Variants in PDE3A observed in about 807,000 individuals in gnomAD.
The protein encoded by PDE3A is cGMP-inhibited 3',5'-cyclic phosphodiesterase 3A.
Under a neutral mutation model 98.3 loss-of-function variants are expected in PDE3A, and 43 were observed. The ratio of observed to expected loss-of-function variants is 0.44; its 90% CI spans 0.34 to 0.56. The LOEUF (loss-of-function observed/expected upper bound fraction) is 0.56, where lower values mean the gene tolerates loss of function less well. Among genes scored for constraint, PDE3A ranks in the 20% least tolerant of loss-of-function variants. The pLI, the probability that PDE3A is intolerant of heterozygous loss-of-function variation, is 0.01. For synonymous variants in PDE3A, 663 were observed against 567.9 expected, an observed-to-expected ratio of 1.17 and a Z score of -2.38; for missense variants, 1,427 against 1,440.7, an observed-to-expected ratio of 0.99 and a Z score of 0.15.
At chr12:20,404,411 A>G (rs773031853) in intron 1 of PDE3A, among the ~76,000 whole-genome samples, 2 of 152,032 alleles carry the variant, frequency 1.3e-5, no homozygotes, top group Non-Finnish European at 2.9e-5. Flanking sequence ...AAAGCCATAT[A>G]CTGTAGGTTA....
intron 1 of PDE3A, among the ~76,000 whole-genome samples, chr12:20,440,582 C>T (rs1251704406): frequency 5.9e-5 from 9 of 152,176 alleles, no homozygotes; most frequent in Admixed American, 5.9e-4. Context: ...TAAGTCACAT[C>T]ACTTACATAA....
chr12:20,683,025 T>C lies in PDE3A; in HGVS notation c.*2754T>C, dbSNP rs1340278803. ...AAGGTACAGGAAATAAGAGGAATAA[T>C]AGTGGCCAAAGCAATTAGAACATCT... On this transcript the variant is annotated 3_prime_UTR_variant, in exon 16 of 16. Transcript: ENST00000359062. 1 of 152,188 alleles carries C rather than the reference T, an allele frequency of 6.6e-6. No individual in the cohort carries two copies. The highest frequency in any genetic ancestry group is 1.5e-5 in the Non-Finnish European group (1 of 68,044). The allele number at this position is 152,188 out of a possible 1,614,324, so 9.4% of individuals were successfully genotyped here. A position where few individuals can be genotyped will look rare whatever the true frequency, so the allele number is the denominator to read the frequency against.
intron 2 of PDE3A, among the ~76,000 whole-genome samples, chr12:20,566,516 AT>A (rs11339084): frequency 0.14 from 20,430 of 148,068 alleles, 1,505 homozygotes; most frequent in East Asian, 0.3. Context: ...TTAAAAGGGT[AT>A]TTTTTTTTTT....
chr12:20,372,253 G>A (rs1019020622), intron 1 of PDE3A, among the ~76,000 whole-genome samples: 4 of 151,922 alleles, frequency 2.6e-5, no homozygotes, highest in South Asian at 2.1e-4. Context: ...ATGCATAATC[G>A]CAATCTATTT....
At chr12:20,426,268 G>T (rs1189008488) in intron 1 of PDE3A, among the ~76,000 whole-genome samples, 1 of 152,112 alleles carries the variant, frequency 6.6e-6, no homozygotes, top group African/African-American at 2.4e-5. Context: ...CTCCGAATGA[G>T]AACTGAATAT....
intron 1 of PDE3A, among the ~76,000 whole-genome samples, chr12:20,519,398 A>G (rs2121144647): frequency 6.6e-6 from 1 of 152,276 alleles, no homozygotes; most frequent in Non-Finnish European, 1.5e-5. Context: ...TATGGAATTG[A>G]TTACTGACAA....
chr12:20,604,241 T>C (rs1389094238), intron 2 of PDE3A, among the ~76,000 whole-genome samples: 1 of 151,536 alleles, frequency 6.6e-6, no homozygotes, highest in Non-Finnish European at 1.5e-5. Flanking sequence ...GGGAGGGAGA[T>C]AAAATGAATT....
rs779493827 is a variant in PDE3A at position 20,639,972 on chromosome 12, T to A, written c.2251+15T>A. ...GGATATTCCTTGTAAGTATATGTGA[T>A]TTGTGAAATAATACTTTTAAAATAT... On this transcript the variant is annotated intron_variant, in intron 10 of 15. Coordinates refer to ENST00000359062, the MANE Select transcript of PDE3A (RefSeq NM_000921.5). 4.6e-6 allele frequency: 5 copies of A among 1,093,038 alleles called. No homozygotes were observed. In the South Asian group the frequency reaches 6.3e-5, roughly 14 times the overall value. 67.7% of individuals were successfully genotyped at this position (1,093,038 alleles called of 1,614,324 possible).
At chr12:20,422,262 T>G (rs1478352461) in intron 1 of PDE3A, among the ~76,000 whole-genome samples, 1 of 151,590 alleles carries the variant, frequency 6.6e-6, no homozygotes, top group African/African-American at 2.4e-5. Flanking sequence ...GAGAATGGCG[T>G]GAACCCGGGA....
At chr12:20,618,734 G>C (rs1178609345) in intron 4 of PDE3A, among the ~76,000 whole-genome samples, 1 of 152,052 alleles carries the variant, frequency 6.6e-6, no homozygotes, top group Non-Finnish European at 1.5e-5. Context: ...TAAAAAATAG[G>C]CTTTAGAGAA....
At chr12:20,494,872 CA>C (rs5796864) in intron 1 of PDE3A, among the ~76,000 whole-genome samples, 66,950 of 143,518 alleles carry the variant, frequency 0.47, 15,404 homozygotes, top group Non-Finnish European at 0.49. Flanking sequence ...AACAATTCCG[CA>C]AAAAAAAAAA....
In PDE3A at chr12:20,654,061, A is replaced by G; in HGVS notation, c.3040A>G (p.Asn1014Asp). 3 of 1,614,120 alleles carry G rather than the reference A, an allele frequency of 1.9e-6. No homozygotes were observed. Among genetic ancestry groups the G allele is most frequent in the Non-Finnish European group, 2.5e-6 (3 of 1,180,022 alleles). Residue 1014 changes from asparagine (N) to aspartate (D), a missense_variant, in exon 15 of 16, where the codon AAC becomes GAC. By Grantham distance (23) the Asn-to-Asp change is conservative. Around this residue, in one of 3 missense-constraint regions of PDE3A, gnomAD observed 273 missense variants for 420.3 expected, o/e 0.65. Transcript: ENST00000359062. ...CTCTCACATTGTGGGGCCTCTGTGC[A>G]ACTCCTATGATTCAGCAGGACTAAT... is the stretch of plus-strand genomic sequence containing the variant. ...FISHIVGPLCNSYDSAGLMPG... is the reference protein window; with the variant it reads ...FISHIVGPLCDSYDSAGLMPG...
At chr12:20,581,728 T>G (rs1298787063) in intron 2 of PDE3A, among the ~76,000 whole-genome samples, 1 of 150,572 alleles carries the variant, frequency 6.6e-6, no homozygotes, top group Non-Finnish European at 1.5e-5. Flanking sequence ...TTCTCCTGCC[T>G]CAGCCTCCCA....
At chr12:20,372,658 C>T (rs1206112886) in intron 1 of PDE3A, among the ~76,000 whole-genome samples, 1 of 152,106 alleles carries the variant, frequency 6.6e-6, no homozygotes, top group Non-Finnish European at 1.5e-5. Flanking sequence ...CTGTCATTTG[C>T]ATACTTTGTG....
intron 1 of PDE3A, chr12:20,371,333 T>C (rs1656353567): frequency 2.0e-6 from 2 of 984,784 alleles, no homozygotes. Context: ...CACCTCTCTA[T>C]TTGAAGTGGA....
At position 20,552,130 on chromosome 12, in the gene PDE3A, C is replaced by T. The variant is rs1467276210; in HGVS notation, c.961-4530C>T. 1.9e-6 allele frequency: 3 copies of T among 1,613,442 alleles called. No individual in the cohort carries two copies. The African/African-American group carries it at 4.0e-5, about 22-fold the overall frequency. On this transcript the variant is annotated intron_variant, in intron 1 of 15. Transcript: ENST00000359062. This position sits in a 1 kb window ranked among gnomAD's most constrained non-coding sequence, Gnocchi z 5.1. ...CGCGGAACAGTCTTGTGATCAGAAA[C>T]TCACCAACACCAACAGGGCGCTGGC...
intron 5 of PDE3A, 58 bp downstream of exon 5, chr12:20,621,469 C>A: frequency 2.2e-6 from 2 of 907,760 alleles, no homozygotes; most frequent in East Asian, 2.5e-5. Flanking sequence ...TAGAGTAAAC[C>A]AGACCTTAAG....
intron 1 of PDE3A, among the ~76,000 whole-genome samples, chr12:20,493,790 C>G (rs890715932): frequency 1.3e-5 from 2 of 152,150 alleles, no homozygotes; most frequent in African/African-American, 4.8e-5. Context: ...GCCACCAAGC[C>G]CAGCTAATTT....
At chr12:20,387,725 G>T (rs760628857) in intron 1 of PDE3A, among the ~76,000 whole-genome samples, 1 of 152,012 alleles carries the variant, frequency 6.6e-6, no homozygotes, top group Non-Finnish European at 1.5e-5. Flanking sequence ...TTAGGAGTTT[G>T]CTAATTCTAC....
Sources: gnomAD v4.1 joint callset for allele counts (sites outside exome capture counted in the v4.1 genomes callset) on GRCh38, gnomAD v4.1.1 for gene constraint, gnomAD v4.1.1 regional missense constraint, Gnocchi (gnomAD v3.1) non-coding constraint, MANE v1.5 for transcripts, NCBI Gene and HGNC (gene_info 2026-07-23, HGNC 2026-07-21) for gene names.